The following DOCK3 variants were observed in gnomAD, a reference collection of about 807,000 sequenced individuals.
DOCK3 encodes dedicator of cytokinesis 3.
DOCK3 carries 60 observed loss-of-function variants against 265.6 expected under a neutral mutation model. The ratio of observed to expected loss-of-function variants is 0.23; its 90% CI spans 0.18 to 0.28. The LOEUF (loss-of-function observed/expected upper bound fraction) is 0.28. DOCK3 is among the 10% of genes least tolerant of loss of function. The pLI, the probability that DOCK3 is intolerant of heterozygous loss-of-function variation, is 1.00. For synonymous variants in DOCK3, 881 were observed against 938.0 expected (o/e 0.94, Z 1.11); for missense variants, 1,981 against 2,594.3 (o/e 0.76, Z 5.14).
intron 5 of DOCK3, among the ~76,000 whole-genome samples, chr3:50,996,394 T>A (rs1328877819): frequency 6.6e-6 from 1 of 151,986 alleles, no homozygotes; most frequent in Non-Finnish European, 1.5e-5. Context: ...ATTTTTTGTA[T>A]TTTTAGTAGA....
chr3:50,960,272 T>C (rs6763781), intron 5 of DOCK3, among the ~76,000 whole-genome samples: 14,429 of 152,202 alleles, frequency 0.095, 843 homozygotes, highest in Non-Finnish European at 0.12. Context: ...AAAGAAACTT[T>C]CAAAATGTTT....
Position 51,184,851 on chromosome 3 carries a change from G to C in DOCK3, c.1038-23923G>C, listed in dbSNP as rs2087504859. On this transcript the variant is annotated intron_variant, in intron 12 of 52. Transcript: ENST00000266037. ...GCACTACTTCAACCAGATAATCAGG[G>C]ATAACATCAGCAGGCAAAAGTCATG... is the stretch of plus-strand genomic sequence containing the variant. Among the ~76,000 whole-genome samples the C allele has an allele frequency of 3.3e-5, 5 of 152,262 alleles. No individual in the cohort carries two copies. In the South Asian group the frequency reaches 1.0e-3, roughly 32 times the overall value.
rs769819666 is a variant in DOCK3 at position 51,167,304 on chromosome 3, G to A, written c.1037+6602G>A. On this transcript the variant is annotated intron_variant, in intron 12 of 52. Transcript: ENST00000266037. ...TCTGTATTCTGTTCCATTGGTCTATGTGTCTGTTTTTATGGCATTACCATA... is the reference window on the plus strand; with the variant it reads ...TCTGTATTCTGTTCCATTGGTCTATATGTCTGTTTTTATGGCATTACCATA... Among the ~76,000 whole-genome samples the A allele has an allele frequency of 7.9e-5, 12 of 152,232 alleles. No homozygotes were observed. The South Asian group carries it at 8.3e-4, about 11-fold the overall frequency.
At chr3:51,041,164 A>G (rs13087134) in intron 5 of DOCK3, among the ~76,000 whole-genome samples, 100 of 9,322 alleles carry the variant, frequency 0.011, no homozygotes, top group Admixed American at 0.027. Context: ...TACAAAATGT[A>G]TATATATATA....
At chr3:50,849,899 C>G (rs2046279517) in intron 3 of DOCK3, among the ~76,000 whole-genome samples, 1 of 151,948 alleles carries the variant, frequency 6.6e-6, no homozygotes, top group Non-Finnish European at 1.5e-5. Flanking sequence ...GCCTGGGCAA[C>G]ATAGCGAAAC....
chr3:50,684,167 A>G (rs761421301), intron 1 of DOCK3, among the ~76,000 whole-genome samples: 63 of 152,096 alleles, frequency 4.1e-4, no homozygotes, highest in Admixed American at 1.1e-3. Flanking sequence ...TCTGCCTGAT[A>G]TAAATAAGCA....
At chr3:51,248,320 G>A (rs1036723344) in intron 22 of DOCK3, among the ~76,000 whole-genome samples, 4 of 152,268 alleles carry the variant, frequency 2.6e-5, no homozygotes, top group Admixed American at 6.5e-5. Context: ...AGCCTGCGGA[G>A]TGCCTGCAAT....
At chr3:51,313,301 G>A (rs2083196840) in intron 31 of DOCK3, among the ~76,000 whole-genome samples, 1 of 152,184 alleles carries the variant, frequency 6.6e-6, no homozygotes, top group Non-Finnish European at 1.5e-5. Context: ...AGCAAAGGTG[G>A]CTATTAATTT....
intron 23 of DOCK3, among the ~76,000 whole-genome samples, chr3:51,265,913 G>GT (rs1173251172): frequency 1.3e-5 from 2 of 152,238 alleles, no homozygotes; most frequent in East Asian, 3.9e-4. Flanking sequence ...AATTGTCTCT[G>GT]TTTACAGATG....
intron 8 of DOCK3, 149 bp downstream of exon 8, chr3:51,089,433 T>C: frequency 2.1e-6 from 2 of 941,876 alleles, no homozygotes; most frequent in Non-Finnish European, 1.6e-6. Context: ...CTCTAAACAG[T>C]TTTGGCCAGA....
At chr3:50,897,042 G>A (rs1023662692) in intron 4 of DOCK3, among the ~76,000 whole-genome samples, 1 of 152,130 alleles carries the variant, frequency 6.6e-6, no homozygotes. Context: ...GTAGCTTGAT[G>A]GGGATGACAC....
intron 4 of DOCK3, among the ~76,000 whole-genome samples, chr3:50,896,291 A>G (rs1261878122): frequency 6.6e-6 from 1 of 152,228 alleles, no homozygotes; most frequent in African/African-American, 2.4e-5. Context: ...GGCCACATAA[A>G]TGTCTTCTTT....
intron 22 of DOCK3, among the ~76,000 whole-genome samples, chr3:51,250,079 C>T (rs1213270426): frequency 6.6e-6 from 1 of 151,748 alleles, no homozygotes; most frequent in Non-Finnish European, 1.5e-5. Flanking sequence ...AGGCAGCATG[C>T]TCATTAAGAG....
chr3:51,190,934 T>C (rs1404602680), intron 12 of DOCK3, among the ~76,000 whole-genome samples: 2 of 152,136 alleles, frequency 1.3e-5, no homozygotes, highest in African/African-American at 4.8e-5. Context: ...ACTGAGGTAA[T>C]GTTCCATGGA....
rs558283642 is a variant in DOCK3 at position 50,780,812 on chromosome 3, C to G, written c.121+2054C>G. Among the ~76,000 whole-genome samples, 4 of 151,922 alleles carry G rather than the reference C, an allele frequency of 2.6e-5. No homozygotes were observed. The South Asian group carries it at 6.2e-4, about 24-fold the overall frequency. On this transcript the variant is annotated intron_variant, in intron 2 of 52. Transcript: ENST00000266037. ...CTAGTTGTAATTTTGTATCCTTTGA[C>G]AAATCTCTTCAAATCCTCCCTTCCC...
intron 5 of DOCK3, among the ~76,000 whole-genome samples, chr3:50,962,300 C>T (rs2076911262): frequency 6.6e-6 from 1 of 152,132 alleles, no homozygotes; most frequent in Non-Finnish European, 1.5e-5. Context: ...TGATAGCTTA[C>T]AATGCATATT....
rs376012528 is a variant in DOCK3 at position 50,693,702 on chromosome 3, G to C, written c.37+18402G>C. On this transcript the variant is annotated intron_variant, in intron 1 of 52. Coordinates refer to ENST00000266037, the MANE Select transcript of DOCK3 (RefSeq NM_004947.5). ...AGGCACCTGCCACCACACCTGGCTA[G>C]TTTTTTGTATTTTTGGTAGAGATGG... Among the ~76,000 whole-genome samples the C allele has an allele frequency of 3.6e-4, 54 of 151,174 alleles. 1 individual carries two copies. The South Asian group carries it at 0.01, about 28-fold the overall frequency.
At chr3:51,309,598 GGGGAGAGGGAGA>G (rs575505682) in intron 27 of DOCK3, among the ~76,000 whole-genome samples, 12 of 149,640 alleles carry the variant, frequency 8.0e-5, no homozygotes, top group South Asian at 2.2e-4. Flanking sequence ...GGGAGACCGT[GGGGAGAGGGAGA>G]GGGAGAGGGA....
At chr3:50,769,469 T>C (rs369950555) in intron 1 of DOCK3, among the ~76,000 whole-genome samples, 14 of 152,144 alleles carry the variant, frequency 9.2e-5, no homozygotes, top group African/African-American at 3.4e-4. Flanking sequence ...CTTTACAATA[T>C]GGACCTAGAT....
Sources: allele counts gnomAD v4.1 joint callset (sites outside exome capture counted in the v4.1 genomes callset), GRCh38; gene constraint gnomAD v4.1.1; transcripts MANE v1.5; gene names NCBI Gene and HGNC (gene_info 2026-07-23, HGNC 2026-07-21).